The following AKAP14 variants were observed in gnomAD, a reference collection of about 807,000 sequenced individuals.
AKAP14 encodes the protein A-kinase anchor protein 14.
A neutral mutation model predicts 17.0 loss-of-function variants in AKAP14; 4 were observed. The ratio of observed to expected loss-of-function variants is 0.23; its 90% CI spans 0.12 to 0.54. AKAP14 has a LOEUF of 0.54. Among genes scored for constraint, AKAP14 ranks in the 20% least tolerant of loss-of-function variants. The pLI is 0.95. For synonymous variants in AKAP14, 42 were observed against 51.3 expected (o/e 0.82, Z 0.77); for missense variants, 129 against 150.9 (o/e 0.85, Z 0.76).
At chrX:119,913,210 G>A (rs1462163388) in intron 4 of AKAP14, among the ~76,000 whole-genome samples, 1 of 111,134 alleles carries the variant, frequency 9.0e-6, no homozygotes, top group Non-Finnish European at 1.9e-5. Context: ...CTCCAAGGGT[G>A]CAAACAAGGA....
intron 4 of AKAP14, among the ~76,000 whole-genome samples, chrX:119,908,569 A>G (rs1189170754): frequency 4.5e-5 from 5 of 112,184 alleles, no homozygotes; most frequent in Non-Finnish European, 7.5e-5. Flanking sequence ...CGTTTCTATT[A>G]CCCCAAAGGT....
chrX:119,906,231 T>C (rs1270398073), intron 4 of AKAP14, among the ~76,000 whole-genome samples: 1 of 80,799 alleles, frequency 1.2e-5, no homozygotes, highest in Non-Finnish European at 2.4e-5. Context: ...ATTTCTTTTT[T>C]TTTTTTTTTT....
At chrX:119,904,891 T>A (rs5909666) in intron 4 of AKAP14, among the ~76,000 whole-genome samples, 24,874 of 107,761 alleles carry the variant, frequency 0.23, 3,186 homozygotes, top group African/African-American at 0.48. Flanking sequence ...TCTCAAAAAA[T>A]AATAATAATA....
chrX:119,906,885 T>C (rs1440698073), intron 4 of AKAP14, among the ~76,000 whole-genome samples: 1 of 111,547 alleles, frequency 9.0e-6, no homozygotes, highest in Non-Finnish European at 1.9e-5. Flanking sequence ...TTCAAGCTTA[T>C]TGCCAGTTTC....
At chrX:119,913,131 T>TAAAA (rs1319205992) in intron 4 of AKAP14, among the ~76,000 whole-genome samples, 3 of 101,865 alleles carry the variant, frequency 2.9e-5, no homozygotes, top group African/African-American at 1.1e-4. Flanking sequence ...CTAAAATAAA[T>TAAAA]AAATAAATAA....
intron 2 of AKAP14, among the ~76,000 whole-genome samples, chrX:119,901,528 A>AC (rs1275759931): frequency 1.8e-5 from 2 of 109,192 alleles, no homozygotes; most frequent in African/African-American, 6.7e-5. Flanking sequence ...AACATGGTGA[A>AC]CCCCCGTCTC....
chrX:119,916,432 TAATC>T (rs1387516088), intron 5 of AKAP14, among the ~76,000 whole-genome samples: 2 of 89,598 alleles, frequency 2.2e-5, no homozygotes, highest in African/African-American at 4.0e-5. Context: ...TCTGCCTATC[TAATC>T]TATCTATCTA....
chrX:119,918,437 G>A (rs909587408), intron 5 of AKAP14, among the ~76,000 whole-genome samples: 1 of 111,442 alleles, frequency 9.0e-6, no homozygotes. Flanking sequence ...TCACCATGTC[G>A]GCCAGGCTGG....
At chrX:119,912,583 G>T (rs1226776375) in intron 4 of AKAP14, among the ~76,000 whole-genome samples, 1 of 108,648 alleles carries the variant, frequency 9.2e-6, no homozygotes, top group Non-Finnish European at 1.9e-5. Context: ...CCAGGCTGGA[G>T]TGCAATGGCA....
intron 4 of AKAP14, among the ~76,000 whole-genome samples, chrX:119,912,863 C>T (rs2056635306): frequency 9.0e-6 from 1 of 111,244 alleles, no homozygotes; most frequent in Non-Finnish European, 1.9e-5. Context: ...AAAAGGTTGG[C>T]CCTATGTATT....
intron 4 of AKAP14, among the ~76,000 whole-genome samples, chrX:119,912,059 T>C (rs1248838801): frequency 2.7e-5 from 3 of 109,188 alleles, no homozygotes; most frequent in African/African-American, 1.0e-4. Flanking sequence ...GCCTCTCAAG[T>C]AGCTGGGATT....
At chrX:119,906,388 C>T (rs1260081722) in intron 4 of AKAP14, among the ~76,000 whole-genome samples, 1 of 108,700 alleles carries the variant, frequency 9.2e-6, no homozygotes, top group Non-Finnish European at 1.9e-5. Context: ...GCGTGTGCCA[C>T]CGTGCTGGCT....
intron 4 of AKAP14, among the ~76,000 whole-genome samples, chrX:119,906,536 CTTTTTTTTT>C (rs34286142): frequency 1.1e-5 from 1 of 88,973 alleles, no homozygotes; most frequent in Admixed American, 1.3e-4. Flanking sequence ...CCCGGCCCTT[CTTTTTTTTT>C]TTTTTGAGAC....
At position 119,920,612 on chromosome X, in the gene AKAP14, T is replaced by C. The variant is rs768298291; in HGVS notation, c.*5T>C. The stretch of plus-strand genomic sequence containing the variant: ...TTCTTATTCAATCGTGTCTGATACT[T>C]ACAGGATGTCTTAGGATTGTTTTTC... On this transcript the variant is annotated 3_prime_UTR_variant, in exon 7 of 7. Transcript: ENST00000371431. 19 of 1,168,629 alleles carry C rather than the reference T, an allele frequency of 1.6e-5. No homozygotes were observed. Among genetic ancestry groups the C allele is most frequent in the Non-Finnish European group, 2.1e-5 (18 of 859,143 alleles).
intron 4 of AKAP14, among the ~76,000 whole-genome samples, chrX:119,905,253 A>G (rs2056591084): frequency 8.9e-6 from 1 of 112,075 alleles, no homozygotes; most frequent in South Asian, 3.6e-4. Context: ...AGGAAAAGTC[A>G]GGGATTTCTG....
intron 2 of AKAP14, among the ~76,000 whole-genome samples, chrX:119,897,466 A>C (rs751993231): frequency 1.8e-5 from 2 of 112,066 alleles, no homozygotes; most frequent in Non-Finnish European, 3.8e-5. Context: ...GCCCAAATGG[A>C]CAATTTTCTA....
rs770526921 is a variant in AKAP14 at position 119,914,686 on chromosome X, T to A, written c.262-13T>A. On this transcript the variant is annotated splice_polypyrimidine_tract_variant and intron_variant, in intron 4 of 6. Coordinates refer to ENST00000371431, the MANE Select transcript of AKAP14 (RefSeq NM_178813.6). ...TCTTTTTCTGTGTGCTTTTTCTTTT[T>A]TCTATGAAACAGAAGTGTGTTTCTA... 4.2e-6 allele frequency: 5 copies of A among 1,190,270 alleles called. No homozygotes were observed. Among genetic ancestry groups the A allele is most frequent in the Non-Finnish European group, 5.6e-6 (5 of 887,303 alleles).
At chrX:119,906,251 T>C (rs939612139) in intron 4 of AKAP14, among the ~76,000 whole-genome samples, 3 of 91,176 alleles carry the variant, frequency 3.3e-5, no homozygotes, top group Non-Finnish European at 6.4e-5. Flanking sequence ...TTTTTTTTTT[T>C]TGAGACGGAG....
intron 4 of AKAP14, among the ~76,000 whole-genome samples, chrX:119,905,674 C>G (rs1190189358): frequency 9.0e-6 from 1 of 111,303 alleles, no homozygotes; most frequent in Non-Finnish European, 1.9e-5. Flanking sequence ...GCATGTTCCC[C>G]TGTCAGGACC....
Sources: allele counts gnomAD v4.1 joint callset (sites outside exome capture counted in the v4.1 genomes callset), GRCh38; gene constraint gnomAD v4.1.1; transcripts MANE v1.5; gene names NCBI Gene and HGNC (gene_info 2026-07-23, HGNC 2026-07-21).